The following SLC5A11 variants were observed in gnomAD, a reference collection of about 807,000 sequenced individuals.
SLC5A11 encodes the protein sodium/myo-inositol cotransporter 2.
A neutral mutation model predicts 69.8 loss-of-function variants in SLC5A11; 48 were observed. The observed-to-expected ratio is 0.69, with a 90% confidence interval of 0.55 to 0.87. SLC5A11 has a LOEUF of 0.87. Ranked by LOEUF, SLC5A11 falls within the 40% of genes least tolerant of loss-of-function variation. The pLI is 0.00. For missense variants in SLC5A11, 784 were observed against 866.1 expected (o/e 0.91, Z 1.19); for synonymous variants, 319 against 342.4 (o/e 0.93, Z 0.75).
At position 24,890,503 on chromosome 16, in the gene SLC5A11, AAAAAAAAAAAAAGAAG is replaced by A. The variant is rs2048709320; in HGVS notation, c.665-365_665-350del. ...CATATCAAAAAAAAAAAAAAAAAAA[AAAAAAAAAAAAAGAAG>A]GAAGGAAGGAAAGAAAGGAAGGAAG... On this transcript the variant is annotated intron_variant, in intron 8 of 15. Coordinates refer to ENST00000347898, the Ensembl canonical transcript of SLC5A11. Among the ~76,000 whole-genome samples, 5 of 57,908 alleles carry A rather than the reference AAAAAAAAAAAAAGAAG, an allele frequency of 8.6e-5. No homozygotes were observed. The South Asian group carries it at 3.0e-3, about 35-fold the overall frequency. The allele number at this position is 57,908 out of a possible 152,430, so 38.0% of individuals were successfully genotyped here.
At chr16:24,880,697 A>T (rs2047988605) in intron 7 of SLC5A11, among the ~76,000 whole-genome samples, 1 of 152,004 alleles carries the variant, frequency 6.6e-6, no homozygotes, top group Non-Finnish European at 1.5e-5. Flanking sequence ...AGCACTGGGG[A>T]TGGTGCTGAA....
intron 2 of SLC5A11, 27 bp downstream of exon 3, chr16:24,858,805 G>A (rs757183241): frequency 1.9e-6 from 3 of 1,599,810 alleles, no homozygotes; most frequent in South Asian, 2.3e-5. Context: ...GGGGATGGGG[G>A]ATGAAGAGAG....
intron 1 of SLC5A11, among the ~76,000 whole-genome samples, chr16:24,848,299 G>A (rs533875599): frequency 5.7e-4 from 87 of 152,272 alleles, no homozygotes; most frequent in Admixed American, 1.5e-3. Flanking sequence ...TCTGGCTTCC[G>A]TGTGAGGGGC....
At chr16:24,884,087 A>T (rs755148591) in exon 8 of SLC5A11, 1 of 1,614,106 alleles carries the variant, frequency 6.2e-7, no homozygotes, top group Non-Finnish European at 8.5e-7. Flanking sequence ...GATGCCCTGC[A>T]GACGCTGATC....
At position 24,861,670 on chromosome 16, in the gene SLC5A11, AAGGAAGGAAGGGAGGG is replaced by A. The variant is rs2046558739; in HGVS notation, c.136-913_136-898del. Among the ~76,000 whole-genome samples the A allele has an allele frequency of 1.1e-4, 14 of 128,574 alleles. No individual in the cohort carries two copies. The Admixed American group carries it at 1.2e-3, about 11-fold the overall frequency. 84.3% of individuals were successfully genotyped at this position (128,574 alleles called of 152,430 possible). On this transcript the variant is annotated intron_variant, in intron 2 of 15. Transcript: ENST00000347898. ...CAAGAAGAAGAAAGAAAAAGAAAGA[AAGGAAGGAAGGGAGGG>A]AGGAAGGAAGGGAGGGAAAAGGAAG... is the stretch of plus-strand genomic sequence containing the variant.
chr16:24,849,038 A>G (rs922729214), intron 1 of SLC5A11, among the ~76,000 whole-genome samples: 1 of 152,200 alleles, frequency 6.6e-6, no homozygotes, highest in African/African-American at 2.4e-5. Context: ...TGAGACATTT[A>G]CATACCAGGC....
At chr16:24,878,075 C>T (rs181836132) in intron 7 of SLC5A11, among the ~76,000 whole-genome samples, 3 of 152,256 alleles carry the variant, frequency 2.0e-5, no homozygotes, top group Admixed American at 2.0e-4. Context: ...ATCGCTTGAA[C>T]CCCGGTGGGG....
intron 9 of SLC5A11, among the ~76,000 whole-genome samples, chr16:24,896,375 G>A (rs1269447450): frequency 6.6e-6 from 1 of 151,782 alleles, no homozygotes; most frequent in African/African-American, 2.4e-5. Context: ...CATGCCTGTT[G>A]TCTCAGCTAC....
chr16:24,868,128 C>T (rs2047027324), intron 3 of SLC5A11, among the ~76,000 whole-genome samples: 1 of 146,430 alleles, frequency 6.8e-6, no homozygotes, highest in Admixed American at 6.8e-5. Flanking sequence ...CAAAGCAAGA[C>T]TCCATTTCAA....
chr16:24,902,495 C>A (rs899517111), intron 10 of SLC5A11, among the ~76,000 whole-genome samples: 3 of 150,532 alleles, frequency 2.0e-5, no homozygotes, highest in African/African-American at 7.3e-5. Flanking sequence ...TATGGAAGAT[C>A]AATAACAAGA....
At chr16:24,871,777 T>C (rs548690897) in intron 4 of SLC5A11, among the ~76,000 whole-genome samples, 2 of 152,126 alleles carry the variant, frequency 1.3e-5, no homozygotes, top group East Asian at 3.9e-4. Flanking sequence ...ATTTTCCAGG[T>C]GAGAAAAATG....
intron 8 of SLC5A11, among the ~76,000 whole-genome samples, chr16:24,888,547 A>C (rs1286492613): frequency 7.1e-6 from 1 of 141,392 alleles, no homozygotes; most frequent in Non-Finnish European, 1.5e-5. Flanking sequence ...ACAGTGGCAC[A>C]ATCTCAGCTC....
chr16:24,898,601 C>T (rs1305205859), intron 10 of SLC5A11, among the ~76,000 whole-genome samples: 1 of 151,464 alleles, frequency 6.6e-6, no homozygotes, highest in Non-Finnish European at 1.5e-5. Flanking sequence ...TCACTGCAAG[C>T]TCTGCCTCCT....
At chr16:24,884,174 C>T (rs777989065) in intron 8 of SLC5A11, 43 bp downstream of exon 9, 2 of 1,579,448 alleles carry the variant, frequency 1.3e-6, no homozygotes, top group Non-Finnish European at 1.7e-6. Context: ...AACAGCACCT[C>T]TCTCCAGCAG....
At chr16:24,861,756 GGAAA>G (rs935741154) in intron 2 of SLC5A11, among the ~76,000 whole-genome samples, 58 of 116,850 alleles carry the variant, frequency 5.0e-4, no homozygotes, top group African/African-American at 1.5e-3. Flanking sequence ...AGAAAAAGAA[GGAAA>G]GAAAGAAAGA....
chr16:24,888,819 C>T (rs1444003311), intron 8 of SLC5A11, among the ~76,000 whole-genome samples: 217 of 86,494 alleles, frequency 2.5e-3, no homozygotes, highest in African/African-American at 9.1e-3. Flanking sequence ...TTTTCTGAGA[C>T]GGAGTCTGGC....
exon 13 of SLC5A11, chr16:24,908,122 C>G (rs1163653534): frequency 6.3e-7 from 1 of 1,591,368 alleles, no homozygotes; most frequent in Non-Finnish European, 8.5e-7. Flanking sequence ...GGAAGAGGAC[C>G]AATGAAAAGG....
intron 9 of SLC5A11, among the ~76,000 whole-genome samples, chr16:24,891,873 TA>T (rs1470851128): frequency 6.6e-6 from 1 of 151,930 alleles, no homozygotes; most frequent in Non-Finnish European, 1.5e-5. Flanking sequence ...TGTGAGATGT[TA>T]AAGTTTGATA....
In SLC5A11 at chr16:24,904,853, T is replaced by C. The variant is rs148469912; in HGVS notation, c.1007-1804T>C. 5.9e-5 allele frequency among the ~76,000 whole-genome samples: 9 copies of C among 152,270 alleles called. No homozygotes were observed. In the South Asian group the frequency reaches 1.9e-3, roughly 32 times the overall value. On this transcript the variant is annotated intron_variant, in intron 10 of 15. Transcript: ENST00000347898. ...TTGTTACATAGGTATACATGTGCCA[T>C]GGTGGTTTGCTGCACCAATCAACCT...
Sources: allele counts gnomAD v4.1 joint callset (sites outside exome capture counted in the v4.1 genomes callset), GRCh38; gene constraint gnomAD v4.1.1; transcripts MANE v1.5; gene names NCBI Gene and HGNC (gene_info 2026-07-23, HGNC 2026-07-21).